The following SEL1L2 variants were observed in gnomAD, a reference collection of about 807,000 sequenced individuals.
SEL1L2 encodes the protein protein sel-1 homolog 2.
SEL1L2 carries 89 observed loss-of-function variants against 98.8 expected under a neutral mutation model. The observed-to-expected ratio is 0.90, with a 90% confidence interval of 0.76 to 1.07. SEL1L2 has a LOEUF of 1.07. Ranked by LOEUF, SEL1L2 falls within the 50% of genes least tolerant of loss-of-function variation. SEL1L2 has a pLI of 0.00. For synonymous variants in SEL1L2, 262 were observed against 278.5 expected, an observed-to-expected ratio of 0.94 and a Z score of 0.59; for missense variants, 788 against 812.0, an observed-to-expected ratio of 0.97 and a Z score of 0.36.
At chr20:13,939,243 C>T (rs2049629872) in intron 2 of SEL1L2, among the ~76,000 whole-genome samples, 1 of 151,798 alleles carries the variant, frequency 6.6e-6, no homozygotes, top group African/African-American at 2.4e-5. Context: ...TGGGGTTTCA[C>T]CATGTTGGCT....
chr20:13,898,173 T>C (rs1189136024), intron 5 of SEL1L2, among the ~76,000 whole-genome samples: 2 of 152,198 alleles, frequency 1.3e-5, no homozygotes, highest in South Asian at 2.1e-4. Flanking sequence ...TCAAAGAGTC[T>C]AGTTTCCACC....
chr20:13,857,988 T>C (rs568273328), intron 18 of SEL1L2, among the ~76,000 whole-genome samples: 61 of 152,320 alleles, frequency 4.0e-4, no homozygotes, highest in African/African-American at 1.4e-3. Flanking sequence ...CCTGTCCCAT[T>C]CTTACCCACA....
chr20:13,864,681 G>C (rs1431320127), intron 17 of SEL1L2, among the ~76,000 whole-genome samples: 1 of 152,072 alleles, frequency 6.6e-6, no homozygotes, highest in East Asian at 1.9e-4. Context: ...ATTCTTACAT[G>C]CTAATGATTG....
At chr20:13,853,472 T>A (rs1327381826) in intron 18 of SEL1L2, among the ~76,000 whole-genome samples, 1 of 152,092 alleles carries the variant, frequency 6.6e-6, no homozygotes, top group African/African-American at 2.4e-5. Context: ...CCTTGGCCTC[T>A]CAAAGTACTG....
At chr20:13,966,319 T>C (rs373116756) in intron 1 of SEL1L2, among the ~76,000 whole-genome samples, 10 of 152,170 alleles carry the variant, frequency 6.6e-5, no homozygotes, top group African/African-American at 2.4e-4. Context: ...TCCTCTTCTT[T>C]CTTCTTTCTT....
intron 5 of SEL1L2, among the ~76,000 whole-genome samples, chr20:13,911,306 C>A (rs187395320): frequency 6.6e-6 from 1 of 152,276 alleles, no homozygotes. Context: ...CAATTGTTGA[C>A]TTATTAACTA....
At chr20:13,992,111 G>T (rs1005916036), upstream of SEL1L2, among the ~76,000 whole-genome samples, 2 of 152,144 alleles carry the variant, frequency 1.3e-5, no homozygotes, top group Admixed American at 6.5e-5. Flanking sequence ...TCAGAGTCAG[G>T]GAAGGCTTTG....
intron 1 of SEL1L2, among the ~76,000 whole-genome samples, chr20:13,974,712 T>C (rs1196164353): frequency 1.3e-5 from 2 of 151,882 alleles, no homozygotes; most frequent in African/African-American, 4.8e-5. Context: ...AGGTGATCTA[T>C]CCGCCTCAGC....
chr20:13,903,677 G>A (rs1445379584), intron 5 of SEL1L2, among the ~76,000 whole-genome samples: 10 of 152,088 alleles, frequency 6.6e-5, no homozygotes. Context: ...GGCAGGCATG[G>A]TGGTGAGCCT....
chr20:13,882,812 C>CTTTTTTTTT (rs759286946), intron 10 of SEL1L2, among the ~76,000 whole-genome samples: 3 of 107,246 alleles, frequency 2.8e-5, no homozygotes, highest in Non-Finnish European at 3.7e-5. Context: ...GTCAATTTGT[C>CTTTTTTTTT]TTTTTTTTTT....
rs143537062 is a variant in SEL1L2 at position 13,922,837 on chromosome 20, A to T, written c.284-3714T>A. Among the ~76,000 whole-genome samples the T allele has an allele frequency of 3.1e-3, 479 of 152,240 alleles. 3 individuals are homozygous for T. The highest frequency in any genetic ancestry group is 0.011 in the African/African-American group (452 of 41,552). On this transcript the variant is annotated intron_variant, in intron 3 of 19. Coordinates refer to ENST00000284951, the MANE Select transcript of SEL1L2 (RefSeq NM_025229.2). The stretch of plus-strand genomic sequence containing the variant: ...ATAGTATTGATTGATTTGTTTTTAA[A>T]CTTACGTATTAAGATTTTAGATTTT...
chr20:13,890,042 C>T (rs961812385), intron 5 of SEL1L2, among the ~76,000 whole-genome samples: 5 of 152,178 alleles, frequency 3.3e-5, no homozygotes, highest in Non-Finnish European at 7.3e-5. Flanking sequence ...AGTCATAGGA[C>T]AGCAGGCAAG....
At chr20:13,883,889 A>T (rs984396017) in intron 10 of SEL1L2, among the ~76,000 whole-genome samples, 1 of 152,236 alleles carries the variant, frequency 6.6e-6, no homozygotes, top group Admixed American at 6.5e-5. Context: ...AACATGAGAA[A>T]CTCATTGCAG....
intron 2 of SEL1L2, among the ~76,000 whole-genome samples, chr20:13,935,562 G>A (rs376751374): frequency 9.9e-5 from 15 of 152,156 alleles, no homozygotes; most frequent in East Asian, 7.7e-4. Context: ...AATGGCAAAC[G>A]CAAAGGCGCT....
chr20:13,929,060 G>A (rs1568987365), intron 3 of SEL1L2, among the ~76,000 whole-genome samples: 1 of 152,092 alleles, frequency 6.6e-6, no homozygotes. Flanking sequence ...CAGTTGCAAA[G>A]CCTTAAGAAT....
intron 1 of SEL1L2, among the ~76,000 whole-genome samples, chr20:13,960,295 C>T (rs2050721673): frequency 6.6e-6 from 1 of 152,100 alleles, no homozygotes; most frequent in Non-Finnish European, 1.5e-5. Flanking sequence ...TTATATTATA[C>T]ACTGGTCCAG....
At position 13,877,264 on chromosome 20, in the gene SEL1L2, C is replaced by T. The variant is rs1036328472; in HGVS notation, c.1026+256G>A. Among the ~76,000 whole-genome samples the T allele has an allele frequency of 1.2e-4, 19 of 152,310 alleles. No homozygotes were observed. In the East Asian group the frequency reaches 3.5e-3, roughly 28 times the overall value. On this transcript the variant is annotated intron_variant, in intron 11 of 19. Transcript: ENST00000284951. ...CACTTAGCCGCTTCCGTGAAAGAGGCCTGCTGCCCTGTCCCTCTACAATGG... is the reference window on the plus strand; with the variant it reads ...CACTTAGCCGCTTCCGTGAAAGAGGTCTGCTGCCCTGTCCCTCTACAATGG...
intron 1 of SEL1L2, among the ~76,000 whole-genome samples, chr20:13,983,807 C>G (rs1276060376): frequency 6.6e-6 from 1 of 151,904 alleles, no homozygotes; most frequent in Non-Finnish European, 1.5e-5. Context: ...AGGTATGAAC[C>G]ACTGTGGCCC....
chr20:13,907,766 C>CTT (rs1406897129), intron 5 of SEL1L2, among the ~76,000 whole-genome samples: 3 of 94,694 alleles, frequency 3.2e-5, no homozygotes, highest in African/African-American at 1.2e-4. Flanking sequence ...CTTTTCTTTT[C>CTT]TTTTTTTTTC....
Sources: allele counts gnomAD v4.1 joint callset (sites outside exome capture counted in the v4.1 genomes callset), GRCh38; gene constraint gnomAD v4.1.1; transcripts MANE v1.5; gene names NCBI Gene and HGNC (gene_info 2026-07-23, HGNC 2026-07-21).